Variants in PTPN21 observed in about 807,000 individuals in gnomAD.
PTPN21 encodes tyrosine-protein phosphatase non-receptor type 21.
A neutral mutation model predicts 131.8 loss-of-function variants in PTPN21; 77 were observed. That is an observed-to-expected ratio of 0.58 (90% CI 0.49 to 0.71). The LOEUF is 0.71. PTPN21 is among the 30% of genes least tolerant of loss of function. PTPN21 has a pLI of 0.00. For missense variants in PTPN21, 1,552 were observed against 1,527.1 expected, an observed-to-expected ratio of 1.02 and a Z score of -0.27; for synonymous variants, 715 against 621.3, an observed-to-expected ratio of 1.15 and a Z score of -2.24.
rs1481041499 is a variant in PTPN21 at position 88,554,909 on chromosome 14, A to G, written c.-461T>C. Among the ~76,000 whole-genome samples the G allele has an allele frequency of 6.6e-6, 1 of 151,632 alleles. No individual in the cohort carries two copies. Among genetic ancestry groups the G allele is most frequent in the Non-Finnish European group, 1.5e-5 (1 of 67,852 alleles). On this transcript the variant is annotated 5_prime_UTR_variant, in exon 1 of 19. Transcript: ENST00000556564. ...CCGGCCGGCGAGGAGCGCCGCACAA[A>G]GAAGCCCCGTGGGGGCGGGGGGTGG...
At chr14:88,516,552 T>A (rs1288827219) in intron 3 of PTPN21, among the ~76,000 whole-genome samples, 1 of 152,154 alleles carries the variant, frequency 6.6e-6, no homozygotes. Flanking sequence ...TCCTCTATTC[T>A]GCTCCTTAAT....
intron 10 of PTPN21, among the ~76,000 whole-genome samples, chr14:88,487,739 T>TTAAAAAA (rs571783536): frequency 6.6e-5 from 10 of 151,964 alleles, no homozygotes; most frequent in East Asian, 1.9e-4. Flanking sequence ...TGTCTGGGTT[T>TTAAAAAA]TAAAAAATAA....
intron 13 of PTPN21, among the ~76,000 whole-genome samples, chr14:88,477,926 T>C (rs1330677322): frequency 6.6e-6 from 1 of 152,226 alleles, no homozygotes; most frequent in African/African-American, 2.4e-5. Context: ...CAAGCAATTA[T>C]GACTTAATAG....
chr14:88,477,446 T>TCAAAAA (rs369022409), intron 13 of PTPN21, among the ~76,000 whole-genome samples: 2,239 of 76,278 alleles, frequency 0.029, 233 homozygotes, highest in African/African-American at 0.052. Context: ...AAGACTGTTC[T>TCAAAAA]AAAAAAAAAA....
At position 88,485,917 on chromosome 14, in the gene PTPN21, T is replaced by C. The variant is rs61463709; in HGVS notation, c.933-75A>G. On this transcript the variant is annotated intron_variant, in intron 10 of 18. Transcript: ENST00000556564. ...ATTCTACCAAAACAAGATATAGGAA[T>C]GTAAAATAATAAATCTTCTCAGGCA... The C allele has an allele frequency of 9.5e-3, 8,403 of 885,808 alleles. 502 individuals are homozygous for C. The African/African-American group carries it at 0.13, about 13-fold the overall frequency. The allele number at this position is 885,808 out of a possible 1,614,324, so 54.9% of individuals were successfully genotyped here.
chr14:88,508,150 G>GC, intron 3 of PTPN21, 130 bp from the exon 4 acceptor site: 1 of 398,270 alleles, frequency 2.5e-6, no homozygotes, highest in Non-Finnish European at 4.5e-6. Context: ...GGTTGTGTGT[G>GC]TTTTTTTTTT....
In PTPN21 at chr14:88,479,224, C is replaced by T. The variant is rs1239536771; in HGVS notation, c.2207G>A (p.Arg736Gln). 1.9e-6 allele frequency: 3 copies of T among 1,601,874 alleles called. No individual in the cohort carries two copies. The highest frequency in any genetic ancestry group is 1.1e-5 in the South Asian group (1 of 89,590). Reference protein sequence around the residue: ...RAPPARAREPRPGLAQDPPGC... With the variant: ...RAPPARAREPQPGLAQDPPGC... Reference sequence around the variant, plus strand: ...AGGTGGGTCCTGGGCCAGGCCGGGCCGAGGCTCGCGCGCACGTGCAGGAGG... The same window carrying T: ...AGGTGGGTCCTGGGCCAGGCCGGGCTGAGGCTCGCGCGCACGTGCAGGAGG... The change falls in exon 13 of 19, where the codon CGG becomes CAG. Residue 736 changes from arginine to glutamine, a missense_variant. Arg to Gln is a conservative substitution (Grantham distance 43). Coordinates refer to ENST00000556564, the MANE Select transcript of PTPN21 (RefSeq NM_007039.4).
intron 2 of PTPN21, among the ~76,000 whole-genome samples, chr14:88,517,652 G>GTATATATACAGGCGTATATATACA (rs6145435): frequency 7.2e-6 from 1 of 139,218 alleles, no homozygotes; most frequent in Non-Finnish European, 1.5e-5. Context: ...TCATATATAT[G>GTATATATACAGGCGTATATATACA]TATATATACA....
chr14:88,504,904 G>A (rs1319315832), intron 5 of PTPN21, among the ~76,000 whole-genome samples: 1 of 152,240 alleles, frequency 6.6e-6, no homozygotes, highest in Non-Finnish European at 1.5e-5. Context: ...TATAAAAGTA[G>A]AAGGCAGTGT....
intron 9 of PTPN21, among the ~76,000 whole-genome samples, 185 bp downstream of exon 9, chr14:88,497,018 G>C (rs1306347057): frequency 1.3e-5 from 2 of 152,230 alleles, no homozygotes; most frequent in Admixed American, 1.3e-4. Context: ...AGCATTTACT[G>C]AGCAGCCATT....
At position 88,472,288 on chromosome 14, in the gene PTPN21, T is replaced by C. The variant is rs144977567; in HGVS notation, c.2827A>G (p.Thr943Ala). Residue 943 changes from threonine (T) to alanine (A), a missense_variant, in exon 15 of 19, where the codon ACT (threonine) becomes GCT (alanine). Physicochemically the swap from Thr to Ala is moderately conservative, Grantham distance 58 (BLOSUM62 0). Coordinates refer to ENST00000556564, the MANE Select transcript of PTPN21 (RefSeq NM_007039.4). Reference protein sequence around the residue: ...YDDVRVELVPTKENNTGYINA... With the variant: ...YDDVRVELVPAKENNTGYINA... ...ATGTAACCAGTGTTGTTTTCTTTAGTTGGGACCAACTCCACTCTCACATCA... is the reference window on the plus strand; with the variant it reads ...ATGTAACCAGTGTTGTTTTCTTTAGCTGGGACCAACTCCACTCTCACATCA... 410 of 1,613,840 alleles carry C rather than the reference T, an allele frequency of 2.5e-4. 1 individual carries two copies. The highest frequency in any genetic ancestry group is 3.4e-4 in the Non-Finnish European group (398 of 1,179,836).
intron 2 of PTPN21, among the ~76,000 whole-genome samples, chr14:88,533,345 G>C (rs1483872987): frequency 1.3e-5 from 2 of 152,174 alleles, no homozygotes; most frequent in East Asian, 1.9e-4. Context: ...GGTCCCCTAA[G>C]ACTGTAACAG....
chr14:88,475,326 T>C (rs2077534478), intron 13 of PTPN21, among the ~76,000 whole-genome samples: 1 of 152,188 alleles, frequency 6.6e-6, no homozygotes, highest in African/African-American at 2.4e-5. Flanking sequence ...GCTGCTGTAA[T>C]TGGAGACTGT....
chr14:88,552,014 G>C (rs1348950765), intron 1 of PTPN21: 3 of 152,336 alleles, frequency 2.0e-5, no homozygotes, highest in Non-Finnish European at 4.4e-5. Flanking sequence ...GCCTGTTGGG[G>C]ATGAATCGCT....
intron 10 of PTPN21, among the ~76,000 whole-genome samples, chr14:88,489,899 T>C (rs1233623145): frequency 6.6e-6 from 1 of 151,966 alleles, no homozygotes; most frequent in Non-Finnish European, 1.5e-5. Flanking sequence ...TTCCTGGCAT[T>C]GTGGGATGGG....
chr14:88,500,647 C>T, intron 8 of PTPN21, 136 bp downstream of exon 8: 1 of 633,996 alleles, frequency 1.6e-6, no homozygotes, highest in Non-Finnish European at 2.8e-6. Context: ...GTATTTTTTT[C>T]CTAGGAAGGG....
rs2077614865 is a variant in PTPN21, at chr14:88,479,763, G to A, written c.1668C>T (p.Asn556=). ...QLQAQDYPSP[N]IMRTQVYRPP... is the part of the protein sequence containing the mutation. ...GCCGGTACACCTGCGTCCGCATGAT[G>A]TTGGGAGACGGGTAGTCCTGCGCCT... is the stretch of plus-strand genomic sequence containing the variant. The change falls in exon 13 of 19, where the codon AAC becomes AAT. Residue 556 remains asparagine (N), a synonymous_variant. Coordinates refer to ENST00000556564, the MANE Select transcript of PTPN21 (RefSeq NM_007039.4). 6.5e-7 allele frequency: 1 copy of A among 1,545,186 alleles called. No homozygotes were observed. Among genetic ancestry groups the A allele is most frequent in the South Asian group, 1.2e-5 (1 of 81,006 alleles).
In PTPN21 at chr14:88,473,816, T is replaced by G; in HGVS notation, c.2512-14A>C. On this transcript the variant is annotated splice_polypyrimidine_tract_variant and intron_variant, in intron 13 of 18. Transcript: ENST00000556564. Reference sequence around the variant, plus strand: ...CTTTTTCATTCCCTGTAAAAGGATTTATATGTATATATGAAATATACACAA... The same window carrying G: ...CTTTTTCATTCCCTGTAAAAGGATTGATATGTATATATGAAATATACACAA... The G allele has an allele frequency of 3.2e-6, 5 of 1,584,978 alleles. No homozygotes were observed. The highest frequency in any genetic ancestry group is 4.3e-6 in the Non-Finnish European group (5 of 1,170,208).
At chr14:88,525,989 C>G (rs914120051) in intron 2 of PTPN21, among the ~76,000 whole-genome samples, 3 of 152,008 alleles carry the variant, frequency 2.0e-5, no homozygotes, top group Non-Finnish European at 2.9e-5. Flanking sequence ...TATGAAACAT[C>G]TGAATAAATC....
Sources: allele counts gnomAD v4.1 joint callset (sites outside exome capture counted in the v4.1 genomes callset), GRCh38; gene constraint gnomAD v4.1.1; transcripts MANE v1.5; gene names NCBI Gene and HGNC (gene_info 2026-07-23, HGNC 2026-07-21).